The following NXPH1 variants were observed in gnomAD, a reference collection of about 807,000 sequenced individuals.
NXPH1 encodes the protein neurexophilin 1.
A neutral mutation model predicts 23.7 loss-of-function variants in NXPH1; 5 were observed. The observed-to-expected ratio is 0.21, with a 90% confidence interval of 0.11 to 0.44. NXPH1 has a LOEUF of 0.44. NXPH1 is among the 20% of genes least tolerant of loss of function. The probability of loss-of-function intolerance (pLI) is 0.99; values close to 1 mark genes in which losing one functional copy is unlikely to be tolerated. For missense variants in NXPH1, 324 were observed against 321.6 expected, an observed-to-expected ratio of 1.01 and a Z score of -0.06; for synonymous variants, 144 against 122.2, an observed-to-expected ratio of 1.18 and a Z score of -1.18.
chr7:8,595,475 C>CAT (rs547644327), intron 2 of NXPH1, among the ~76,000 whole-genome samples: 47 of 151,722 alleles, frequency 3.1e-4, no homozygotes, highest in African/African-American at 9.9e-4. Flanking sequence ...ATATTGTAAA[C>CAT]ATATATATAT....
chr7:8,592,263 G>A (rs1423661630), intron 2 of NXPH1, among the ~76,000 whole-genome samples: 2 of 151,966 alleles, frequency 1.3e-5, no homozygotes, highest in African/African-American at 4.8e-5. Context: ...GTAGGCAGAA[G>A]CTTGAAGAAT....
At chr7:8,461,973 A>G (rs1816704281) in intron 2 of NXPH1, among the ~76,000 whole-genome samples, 1 of 152,270 alleles carries the variant, frequency 6.6e-6, no homozygotes, top group Admixed American at 6.5e-5. Flanking sequence ...TTATATTAAT[A>G]TAGATGTTCT....
intron 2 of NXPH1, among the ~76,000 whole-genome samples, chr7:8,723,033 A>G (rs1397490106): frequency 6.6e-6 from 1 of 152,202 alleles, no homozygotes; most frequent in East Asian, 1.9e-4. Context: ...TCACATTTTA[A>G]TATCGTTTTA....
chr7:8,717,862 TG>T (rs1165009009), intron 2 of NXPH1, among the ~76,000 whole-genome samples: 4 of 149,736 alleles, frequency 2.7e-5, no homozygotes, highest in Non-Finnish European at 4.4e-5. Context: ...AAATAAAAAC[TG>T]GATCATGTGG....
intron 2 of NXPH1, among the ~76,000 whole-genome samples, chr7:8,735,066 A>T (rs1311934223): frequency 6.6e-6 from 1 of 152,196 alleles, no homozygotes; most frequent in Non-Finnish European, 1.5e-5. Flanking sequence ...TTTTCTAAAT[A>T]TAAAATCATG....
intron 2 of NXPH1, among the ~76,000 whole-genome samples, chr7:8,557,115 A>C (rs1487429846): frequency 5.9e-5 from 9 of 151,714 alleles, no homozygotes; most frequent in Non-Finnish European, 1.5e-5. Context: ...GAGAAATACC[A>C]GTGGTCACTT....
chr7:8,506,828 G>C (rs1817531117), intron 2 of NXPH1, among the ~76,000 whole-genome samples: 1 of 151,996 alleles, frequency 6.6e-6, no homozygotes, highest in Non-Finnish European at 1.5e-5. Flanking sequence ...CAAATGCTAG[G>C]GTAGCTGCAA....
At chr7:8,551,720 C>T (rs1179746192) in intron 2 of NXPH1, among the ~76,000 whole-genome samples, 2 of 151,412 alleles carry the variant, frequency 1.3e-5, no homozygotes, top group African/African-American at 4.8e-5. Flanking sequence ...TTATTTACTA[C>T]TGTAACTGCT....
intron 2 of NXPH1, among the ~76,000 whole-genome samples, chr7:8,587,537 C>G (rs1389643277): frequency 3.9e-5 from 6 of 152,084 alleles, no homozygotes; most frequent in Admixed American, 1.3e-4. Context: ...GCAGAACGTA[C>G]AGGTTTGTTA....
At chr7:8,695,797 A>G (rs776316253) in intron 2 of NXPH1, among the ~76,000 whole-genome samples, 38 of 152,356 alleles carry the variant, frequency 2.5e-4, no homozygotes, top group Admixed American at 7.8e-4. Flanking sequence ...ATTTTAATCA[A>G]TAGGAAGCTT....
At chr7:8,624,319 T>C (rs1213192333) in intron 2 of NXPH1, among the ~76,000 whole-genome samples, 3 of 152,188 alleles carry the variant, frequency 2.0e-5, no homozygotes, top group African/African-American at 2.4e-5. Context: ...CCAGTGAATA[T>C]GAGCTTTCCA....
intron 2 of NXPH1, among the ~76,000 whole-genome samples, chr7:8,729,127 A>C (rs1442328405): frequency 2.0e-5 from 3 of 152,088 alleles, no homozygotes; most frequent in South Asian, 2.1e-4. Flanking sequence ...TTATTTGCAT[A>C]GAGGTGTTTA....
chr7:8,730,836 G>A (rs1460035095), intron 2 of NXPH1, among the ~76,000 whole-genome samples: 5 of 150,664 alleles, frequency 3.3e-5, no homozygotes, highest in Middle Eastern at 3.4e-3. Flanking sequence ...TGCTCTTCTC[G>A]AGGAGTATCT....
chr7:8,537,835 T>G (rs1427326765), intron 2 of NXPH1, among the ~76,000 whole-genome samples: 2 of 151,908 alleles, frequency 1.3e-5, no homozygotes, highest in Non-Finnish European at 2.9e-5. Flanking sequence ...CTCTGAGATG[T>G]TCAAATCAAA....
At chr7:8,463,288 A>T (rs942480470) in intron 2 of NXPH1, among the ~76,000 whole-genome samples, 4 of 151,968 alleles carry the variant, frequency 2.6e-5, no homozygotes, top group African/African-American at 9.7e-5. Context: ...GGTATCTATA[A>T]ATGTATCTTT....
At chr7:8,728,238 G>A (rs1780089395) in intron 2 of NXPH1, among the ~76,000 whole-genome samples, 2 of 152,132 alleles carry the variant, frequency 1.3e-5, no homozygotes, top group South Asian at 4.1e-4. Flanking sequence ...GAGATTTTGG[G>A]CTGAGACAAT....
chr7:8,536,957 T>C (rs1433735730), intron 2 of NXPH1, among the ~76,000 whole-genome samples: 1 of 151,960 alleles, frequency 6.6e-6, no homozygotes, highest in Non-Finnish European at 1.5e-5. Flanking sequence ...TAGTGAGAGT[T>C]TTATTATGAA....
At chr7:8,449,498 G>A (rs534576463) in intron 2 of NXPH1, among the ~76,000 whole-genome samples, 222 of 152,174 alleles carry the variant, frequency 1.5e-3, no homozygotes, top group African/African-American at 5.2e-3. Context: ...AAGATGACAT[G>A]TACTATTAAT....
intron 2 of NXPH1, among the ~76,000 whole-genome samples, chr7:8,731,875 C>T (rs553912500): frequency 1.3e-5 from 2 of 152,368 alleles, no homozygotes; most frequent in Admixed American, 6.5e-5. Flanking sequence ...CCACCCAGTT[C>T]GAGCTTCCCG....
Sources: allele counts gnomAD v4.1 joint callset (sites outside exome capture counted in the v4.1 genomes callset), GRCh38; gene constraint gnomAD v4.1.1; transcripts MANE v1.5; gene names NCBI Gene and HGNC (gene_info 2026-07-23, HGNC 2026-07-21).